The following HOXD3 variants were observed in gnomAD, a reference collection of about 807,000 sequenced individuals.
HOXD3 encodes homeobox D3.
A neutral mutation model predicts 32.8 loss-of-function variants in HOXD3; 13 were observed. The ratio of observed to expected loss-of-function variants is 0.40; its 90% CI spans 0.26 to 0.63. The LOEUF is 0.63. Among genes scored for constraint, HOXD3 ranks in the 20% least tolerant of loss-of-function variants. The probability of loss-of-function intolerance (pLI) is 0.44; values close to 1 mark genes in which losing one functional copy is unlikely to be tolerated. For synonymous variants in HOXD3, 241 were observed against 246.8 expected, an observed-to-expected ratio of 0.98 and a Z score of 0.22; for missense variants, 504 against 577.1, an observed-to-expected ratio of 0.87 and a Z score of 1.30.
chr2:176,157,515 G>C (rs1690673904), intron 1 of HOXD3, among the ~76,000 whole-genome samples, 63 bp downstream of exon 1: 1 of 152,204 alleles, frequency 6.6e-6, no homozygotes, highest in Admixed American at 6.5e-5. Context: ...AGCTGTCACG[G>C]CCGCTGACAA....
intron 2 of HOXD3, chr2:176,165,004 C>T (rs865861807): frequency 3.3e-5 from 5 of 152,254 alleles, no homozygotes; most frequent in African/African-American, 1.2e-4. Flanking sequence ...CTCCGACCGC[C>T]GAGCAGAGCT....
chr2:176,170,925 T>G (rs1005900215), intron 3 of HOXD3, among the ~76,000 whole-genome samples: 19 of 114,034 alleles, frequency 1.7e-4, no homozygotes, highest in Admixed American at 3.4e-4. Context: ...GTTTGGTTGG[T>G]TTTTTTTTAT....
Position 176,171,573 on chromosome 2 carries a change from G to T in HOXD3, c.598G>T (p.Ala200Ser). 19 of 1,612,416 alleles carry T rather than the reference G, an allele frequency of 1.2e-5. No individual in the cohort carries two copies. The highest frequency in any genetic ancestry group is 1.6e-5 in the Non-Finnish European group (19 of 1,179,038). Residue 200 changes from alanine to serine, a missense_variant, in exon 4 of 4, where the codon GCA becomes TCA. This residue lies in a region of HOXD3 where 97 missense variants were observed against 158.0 expected (regional missense o/e 0.61). Coordinates refer to ENST00000683222, the MANE Select transcript of HOXD3 (RefSeq NM_006898.5). ...CCCAGCATCCAAGCGGGTACGCACG[G>T]CATACACGAGCGCGCAGCTGGTGGA... ...PGPASKRVRT[A>S]YTSAQLVELE...
rs562315476 is a variant in HOXD3 at position 176,169,781 on chromosome 2, T to A, written c.541+126T>A. 91 of 1,241,054 alleles carry A rather than the reference T, an allele frequency of 7.3e-5. 1 individual carries two copies. In the African/African-American group the frequency reaches 1.2e-3, roughly 17 times the overall value. 76.9% of individuals were successfully genotyped at this position (1,241,054 alleles called of 1,614,324 possible). A position where few individuals can be genotyped will look rare whatever the true frequency, so the allele number is the denominator to read the frequency against. Reference sequence around the variant, plus strand: ...TAAACTCCTACTCACGTCAAAATGTTCTTTTTTTTAGTGTTCCTGATTGGG... The same window carrying A: ...TAAACTCCTACTCACGTCAAAATGTACTTTTTTTTAGTGTTCCTGATTGGG... On this transcript the variant is annotated intron_variant, in intron 3 of 3. Transcript: ENST00000683222.
At position 176,171,963 on chromosome 2, in the gene HOXD3, G is replaced by T; in HGVS notation, c.988G>T (p.Ala330Ser). Reference protein sequence around the residue: ...SSCLPQQKRYAAPEFEPHPMA... With the variant: ...SSCLPQQKRYSAPEFEPHPMA... ...CTGCCTGCCACAACAGAAGCGCTAC[G>T]CAGCGCCGGAGTTCGAGCCCCATCC... Residue 330 changes from alanine (A) to serine (S), a missense_variant, in exon 4 of 4, where the codon GCA becomes TCA. Ala to Ser is a moderately conservative substitution (Grantham distance 99, BLOSUM62 1). Around this residue, in one of 3 missense-constraint regions of HOXD3, gnomAD observed 226 missense variants for 246.9 expected, o/e 0.92. Coordinates refer to ENST00000683222, the MANE Select transcript of HOXD3 (RefSeq NM_006898.5). 6.2e-7 allele frequency: 1 copy of T among 1,610,718 alleles called. No individual in the cohort carries two copies. The highest frequency in any genetic ancestry group is 8.5e-7 in the Non-Finnish European group (1 of 1,179,464).
At chr2:176,155,439 G>A (rs1035609774), upstream of HOXD3, among the ~76,000 whole-genome samples, 5 of 152,198 alleles carry the variant, frequency 3.3e-5, no homozygotes, top group Non-Finnish European at 7.3e-5. Flanking sequence ...CACTACTTTG[G>A]AAAGTAACTT....
chr2:176,168,913 C>A, intron 2 of HOXD3, 118 bp from the exon 3 acceptor site: 1 of 652,760 alleles, frequency 1.5e-6, no homozygotes, highest in African/African-American at 1.8e-5. Context: ...GATCCAGCAC[C>A]TTGCCCATCT....
At position 176,157,371 on chromosome 2, in the gene HOXD3, A is replaced by C. The variant is rs558524987; in HGVS notation, c.-262A>C. Among the ~76,000 whole-genome samples, 1 of 152,172 alleles carries C rather than the reference A, an allele frequency of 6.6e-6. No homozygotes were observed. Among genetic ancestry groups the C allele is most frequent in the Admixed American group, 6.5e-5 (1 of 15,294 alleles). On this transcript the variant is annotated 5_prime_UTR_variant, in exon 1 of 4. Coordinates refer to ENST00000683222, the MANE Select transcript of HOXD3 (RefSeq NM_006898.5). The stretch of plus-strand genomic sequence containing the variant: ...ACTTGGAAAGTGCAGGGATCCCAAG[A>C]ATATCACCCGTCCAGGGGGGCCGCG...
At position 176,172,575 on chromosome 2, in the gene HOXD3, G is replaced by C; in HGVS notation, c.*301G>C. 2 of 405,144 alleles carry C rather than the reference G, an allele frequency of 4.9e-6. No homozygotes were observed. The highest frequency in any genetic ancestry group is 4.4e-6 in the Non-Finnish European group (1 of 227,298). The allele number at this position is 405,144 out of a possible 1,614,324, so 25.1% of individuals were successfully genotyped here. On this transcript the variant is annotated 3_prime_UTR_variant, in exon 4 of 4. Transcript: ENST00000683222. ...AATGGTGTCCCAAAGGTAAGTCTGAGACCCATCAGCGGCGCGCCCTGCAGA... is the reference window on the plus strand; with the variant it reads ...AATGGTGTCCCAAAGGTAAGTCTGACACCCATCAGCGGCGCGCCCTGCAGA...
chr2:176,157,203 C>T (rs1435413255), upstream of HOXD3, among the ~76,000 whole-genome samples: 3 of 152,132 alleles, frequency 2.0e-5, no homozygotes, highest in Admixed American at 6.5e-5. Context: ...TTTCATAACC[C>T]GGAGAATTTT....
intron 1 of HOXD3, among the ~76,000 whole-genome samples, chr2:176,158,949 G>A (rs942092820): frequency 3.9e-5 from 6 of 152,098 alleles, no homozygotes; most frequent in Non-Finnish European, 8.8e-5. Flanking sequence ...CGGCTTGGCG[G>A]GCACTGGCCC....
chr2:176,152,625 G>T (rs775508820), upstream of HOXD3: 1 of 1,613,924 alleles, frequency 6.2e-7, no homozygotes, highest in Non-Finnish European at 8.5e-7. The surrounding 1 kb of genome is among the most constrained non-coding windows in gnomAD (Gnocchi z 5.2). Context: ...CAACTACACC[G>T]GTGGGGAACC....
chr2:176,158,922 A>AC (rs1292054501), intron 1 of HOXD3, among the ~76,000 whole-genome samples: 1 of 150,420 alleles, frequency 6.6e-6, no homozygotes, highest in East Asian at 2.0e-4. Flanking sequence ...CCGGCAGCCA[A>AC]CAGCCTCCCA....
intron 2 of HOXD3, 104 bp from the exon 3 acceptor site, chr2:176,168,927 C>T (rs780958588): frequency 1.9e-4 from 147 of 776,444 alleles, no homozygotes; most frequent in Non-Finnish European, 2.5e-4. Context: ...CCCATCTCCC[C>T]GCCGTGAAGT....
chr2:176,154,308 C>G (rs1481497287), upstream of HOXD3, among the ~76,000 whole-genome samples: 3 of 152,120 alleles, frequency 2.0e-5, no homozygotes, highest in Non-Finnish European at 2.9e-5. Flanking sequence ...TCTTCTGCCT[C>G]TCCTGGGAAG....
chr2:176,167,686 CTTTTTTTT>C (rs56761217), intron 2 of HOXD3, among the ~76,000 whole-genome samples: 7,180 of 108,838 alleles, frequency 0.066, 596 homozygotes, highest in African/African-American at 0.19. Context: ...GGGGGAGACC[CTTTTTTTT>C]TTTTTTTTTT....
intron 1 of HOXD3, among the ~76,000 whole-genome samples, chr2:176,162,726 G>T (rs960177993): frequency 6.6e-6 from 1 of 152,100 alleles, no homozygotes; most frequent in Non-Finnish European, 1.5e-5. Context: ...ACCCCCAGGC[G>T]CAAACTTACC....
At chr2:176,152,697 T>A, upstream of HOXD3, 4 of 1,614,088 alleles carry the variant, frequency 2.5e-6, no homozygotes, top group Non-Finnish European at 3.4e-6. This position sits in a 1 kb window ranked among gnomAD's most constrained non-coding sequence, Gnocchi z 5.2. Context: ...AGAATTTCAT[T>A]TTAACAGGTA....
chr2:176,154,571 A>T (rs1483962402), upstream of HOXD3, among the ~76,000 whole-genome samples: 1 of 152,198 alleles, frequency 6.6e-6, no homozygotes, highest in Non-Finnish European at 1.5e-5. Flanking sequence ...TTTCTGTTGT[A>T]ATTTAAAAAA....
Sources: allele counts gnomAD v4.1 joint callset (sites outside exome capture counted in the v4.1 genomes callset), GRCh38; gene constraint gnomAD v4.1.1; regional missense constraint gnomAD v4.1.1; non-coding constraint Gnocchi (gnomAD v3.1); transcripts MANE v1.5; gene names NCBI Gene and HGNC (gene_info 2026-07-23, HGNC 2026-07-21).